Variants in EML4 observed in about 807,000 individuals in gnomAD.
EML4 encodes the protein EMAP like 4.
EML4 carries 72 observed loss-of-function variants against 129.0 expected under a neutral mutation model. That is an observed-to-expected ratio of 0.56 (90% CI 0.46 to 0.68). The LOEUF (loss-of-function observed/expected upper bound fraction) is 0.68, where lower values mean the gene tolerates loss of function less well. EML4 is among the 30% of genes least tolerant of loss of function. The pLI is 0.00. For synonymous variants in EML4, 532 were observed against 405.0 expected, an observed-to-expected ratio of 1.31 and a Z score of -3.77; for missense variants, 1,363 against 1,190.6, an observed-to-expected ratio of 1.14 and a Z score of -2.13.
At chr2:42,192,242 T>C (rs567833214) in intron 1 of EML4, among the ~76,000 whole-genome samples, 2 of 148,370 alleles carry the variant, frequency 1.3e-5, no homozygotes, top group Non-Finnish European at 3.0e-5. Flanking sequence ...GTTTTTTTTT[T>C]TGGGGGGGGG....
intron 6 of EML4, among the ~76,000 whole-genome samples, chr2:42,275,270 T>C (rs1666592608): frequency 6.6e-6 from 1 of 152,172 alleles, no homozygotes; most frequent in South Asian, 2.1e-4. Flanking sequence ...TCATACTAAG[T>C]CTTCAAAATC....
chr2:42,329,404 G>A (rs1258302654), intron 22 of EML4, among the ~76,000 whole-genome samples: 1 of 152,178 alleles, frequency 6.6e-6, no homozygotes, highest in Non-Finnish European at 1.5e-5. Context: ...CATAGTAAAT[G>A]TTCCCCTAAC....
At chr2:42,239,693 G>T (rs7602593) in intron 1 of EML4, among the ~76,000 whole-genome samples, 2,399 of 151,436 alleles carry the variant, frequency 0.016, 58 homozygotes, top group African/African-American at 0.055. Context: ...TTAAAAACCA[G>T]GGGGCAATTA....
chr2:42,195,127 C>G (rs569076183), intron 1 of EML4, among the ~76,000 whole-genome samples: 2 of 152,162 alleles, frequency 1.3e-5, no homozygotes, highest in African/African-American at 4.8e-5. Context: ...CCTTCGGGAT[C>G]CAGTTAACTT....
At chr2:42,254,882 A>G (rs1188426733) in intron 2 of EML4, among the ~76,000 whole-genome samples, 1 of 152,208 alleles carries the variant, frequency 6.6e-6, no homozygotes, top group East Asian at 1.9e-4. Context: ...GGTGGAAACA[A>G]TCCAGATGAT....
At chr2:42,191,895 G>C (rs1341859756) in intron 1 of EML4, among the ~76,000 whole-genome samples, 1 of 152,020 alleles carries the variant, frequency 6.6e-6, no homozygotes, top group African/African-American at 2.4e-5. Context: ...TGTAATCCCA[G>C]CTCTTTGGGA....
chr2:42,224,172 A>G (rs940435625), intron 1 of EML4, among the ~76,000 whole-genome samples: 5 of 152,246 alleles, frequency 3.3e-5, no homozygotes, highest in African/African-American at 9.6e-5. Flanking sequence ...TTACCACAAT[A>G]AGAAGAAATC....
chr2:42,268,094 T>C (rs1666163913), intron 6 of EML4, among the ~76,000 whole-genome samples: 1 of 152,016 alleles, frequency 6.6e-6, no homozygotes, highest in African/African-American at 2.4e-5. Context: ...ATTAAGGTCA[T>C]CCTTGAAATA....
At chr2:42,243,635 A>G (rs1675180860) in intron 1 of EML4, among the ~76,000 whole-genome samples, 1 of 152,236 alleles carries the variant, frequency 6.6e-6, no homozygotes, top group Admixed American at 6.5e-5. Flanking sequence ...ATGAAACCCA[A>G]CTTTTCCTTC....
intron 7 of EML4, among the ~76,000 whole-genome samples, chr2:42,281,325 G>A (rs907276364): frequency 2.6e-5 from 4 of 151,656 alleles, no homozygotes; most frequent in East Asian, 1.9e-4. Context: ...CCCGGGAGGC[G>A]GAGGTTGCAG....
chr2:42,286,473 A>C, intron 10 of EML4, 94 bp downstream of exon 10: 1 of 746,228 alleles, frequency 1.3e-6, no homozygotes, highest in Non-Finnish European at 2.4e-6. Context: ...ATGAAGTGAT[A>C]ATCCTGAGTT....
At position 42,282,833 on chromosome 2, in the gene EML4, C is replaced by T. The variant is rs1056241625; in HGVS notation, c.802C>T (p.Arg268Ter). 3.1e-6 allele frequency: 5 copies of T among 1,611,186 alleles called. No individual in the cohort carries two copies. Among genetic ancestry groups the T allele is most frequent in the Admixed American group, 1.7e-5 (1 of 59,164 alleles). ...KLKLEWAYGY[R>*]GKDCRANVYL... ...TCTTTTTCTGTTAAGATATGGTTAT[C>T]GAGGAAAGGACTGTAGAGCTAATGT... Residue 268 changes from arginine to a stop codon, truncating the protein, a stop_gained, in exon 8 of 23, where the codon CGA becomes TGA. Coordinates refer to ENST00000318522, the MANE Select transcript of EML4 (RefSeq NM_019063.5). LOFTEE classifies it high-confidence loss of function.
At chr2:42,194,122 A>G (rs910015226) in intron 1 of EML4, among the ~76,000 whole-genome samples, 18 of 152,340 alleles carry the variant, frequency 1.2e-4, no homozygotes, top group Admixed American at 1.2e-3. Context: ...CTATATAAAT[A>G]TACACAAAAA....
intron 6 of EML4, among the ~76,000 whole-genome samples, chr2:42,276,212 G>A (rs890840066): frequency 6.6e-6 from 1 of 152,088 alleles, no homozygotes; most frequent in Non-Finnish European, 1.5e-5. Flanking sequence ...TTCATATGAT[G>A]TTTCCCCTTT....
intron 6 of EML4, among the ~76,000 whole-genome samples, chr2:42,274,929 C>T (rs1037927173): frequency 1.3e-5 from 2 of 152,162 alleles, no homozygotes; most frequent in African/African-American, 4.8e-5. Flanking sequence ...GATAGTAGAG[C>T]AGAAACATCT....
rs775762337 is a variant in EML4, at chr2:42,295,459, G to C, written c.1432G>C (p.Val478Leu). The C allele has an allele frequency of 8.7e-6, 14 of 1,613,998 alleles. No homozygotes were observed. The highest frequency in any genetic ancestry group is 1.2e-5 in the Non-Finnish European group (14 of 1,179,890). ...GDVLTGDSGGVMLIWSKTTVE... is the reference protein window; with the variant it reads ...GDVLTGDSGGLMLIWSKTTVE... ...TGTTCTTACTGGAGACTCAGGTGGAGTCATGCTTATATGGAGCAAAACTAC... is the reference window on the plus strand; with the variant it reads ...TGTTCTTACTGGAGACTCAGGTGGACTCATGCTTATATGGAGCAAAACTAC... Residue 478 changes from valine to leucine, a missense_variant, in exon 13 of 23, where the codon GTC becomes CTC. Val to Leu is a conservative substitution (Grantham distance 32). Coordinates refer to ENST00000318522, the MANE Select transcript of EML4 (RefSeq NM_019063.5).
Position 42,267,905 on chromosome 2 carries a change from A to G in EML4, c.667+3174A>G, listed in dbSNP as rs192002007. Reference sequence around the variant, plus strand: ...ATTTGAATAAGTTCCATGTAGGACTATCTATTGTTAGAGGTAGCAGTTAGG... The same window carrying G: ...ATTTGAATAAGTTCCATGTAGGACTGTCTATTGTTAGAGGTAGCAGTTAGG... On this transcript the variant is annotated intron_variant, in intron 6 of 22. Coordinates refer to ENST00000318522, the MANE Select transcript of EML4 (RefSeq NM_019063.5). Among the ~76,000 whole-genome samples the G allele has an allele frequency of 6.6e-5, 10 of 152,352 alleles. No homozygotes were observed. The South Asian group carries it at 1.2e-3, about 19-fold the overall frequency.
chr2:42,222,838 G>C (rs548166295), intron 1 of EML4, among the ~76,000 whole-genome samples: 1 of 151,828 alleles, frequency 6.6e-6, no homozygotes, highest in African/African-American at 2.4e-5. Flanking sequence ...TCGCTTTGTC[G>C]CCTAGGCTGG....
chr2:42,218,838 T>C (rs1673367786), intron 1 of EML4, among the ~76,000 whole-genome samples: 1 of 152,190 alleles, frequency 6.6e-6, no homozygotes, highest in Non-Finnish European at 1.5e-5. Context: ...TTTCTTTTTT[T>C]AATTTTAAAG....
Sources: allele counts gnomAD v4.1 joint callset (sites outside exome capture counted in the v4.1 genomes callset), GRCh38; gene constraint gnomAD v4.1.1; transcripts MANE v1.5; gene names NCBI Gene and HGNC (gene_info 2026-07-23, HGNC 2026-07-21).